Variants in RBFOX1 observed in about 807,000 individuals in gnomAD.
The protein encoded by RBFOX1 is RNA binding fox-1 homolog 1.
In RBFOX1, 8 loss-of-function variants were observed where a neutral mutation model predicts 57.7. That is an observed-to-expected ratio of 0.14 (90% confidence interval 0.08 to 0.25). The LOEUF (loss-of-function observed/expected upper bound fraction) is 0.25, where lower values mean the gene tolerates loss of function less well. Ranked by LOEUF, RBFOX1 falls within the 10% of genes least tolerant of loss-of-function variation. The probability of loss-of-function intolerance (pLI) is 1.00; values close to 1 mark genes in which losing one functional copy is unlikely to be tolerated. For synonymous variants in RBFOX1, 326 were observed against 222.4 expected, an observed-to-expected ratio of 1.47 and a Z score of -4.15; for missense variants, 611 against 548.5, an observed-to-expected ratio of 1.11 and a Z score of -1.14.
intron 2 of RBFOX1, among the ~76,000 whole-genome samples, chr16:5,514,353 C>T (rs1293982267): frequency 6.6e-6 from 1 of 152,118 alleles, no homozygotes; most frequent in Non-Finnish European, 1.5e-5. Flanking sequence ...ATCATGGTGG[C>T]AGAAGAGTGA....
rs530744959 is a variant in RBFOX1, at chr16:6,836,520, C to T, written c.-16+181870C>T. On this transcript the variant is annotated intron_variant, in intron 3 of 15. Coordinates refer to ENST00000550418, the MANE Select transcript of RBFOX1 (RefSeq NM_018723.4). ...AAACCTTCCTTCTACGTGAGTTAGC[C>T]TTAGGGTATGACCACGAATGACACC... 2.0e-5 allele frequency among the ~76,000 whole-genome samples: 3 copies of T among 152,292 alleles called. No individual in the cohort carries two copies. In the South Asian group the frequency reaches 6.2e-4, roughly 32 times the overall value.
At chr16:5,834,914 A>C (rs1232497613) in intron 3 of RBFOX1, among the ~76,000 whole-genome samples, 1 of 152,210 alleles carries the variant, frequency 6.6e-6, no homozygotes, top group Non-Finnish European at 1.5e-5. Flanking sequence ...GATCTCTGAG[A>C]AACCTGCATA....
chr16:5,791,186 A>T (rs1168918801), intron 3 of RBFOX1, among the ~76,000 whole-genome samples: 3 of 152,070 alleles, frequency 2.0e-5, no homozygotes, highest in Non-Finnish European at 4.4e-5. Context: ...TTAATTTGTC[A>T]CGCATGACTC....
chr16:7,289,105 C>G (rs1026416157), intron 4 of RBFOX1, among the ~76,000 whole-genome samples: 9 of 152,236 alleles, frequency 5.9e-5, no homozygotes, highest in Middle Eastern at 3.4e-3. Context: ...CAGATCCTGC[C>G]TGCTGTATCA....
chr16:6,942,301 G>T (rs116658693), intron 3 of RBFOX1, among the ~76,000 whole-genome samples: 576 of 152,116 alleles, frequency 3.8e-3, no homozygotes, highest in African/African-American at 0.013. Context: ...ACAAGTTGCT[G>T]AGACCACTGG....
intron 3 of RBFOX1, among the ~76,000 whole-genome samples, chr16:5,737,042 T>C (rs2052602918): frequency 6.6e-6 from 1 of 151,910 alleles, no homozygotes; most frequent in Admixed American, 6.6e-5. Flanking sequence ...TTTAAAAAGG[T>C]GGGCAGAGGT....
intron 14 of RBFOX1, among the ~76,000 whole-genome samples, chr16:7,708,350 G>A (rs556913435): frequency 2.6e-5 from 4 of 152,266 alleles, no homozygotes; most frequent in Admixed American, 1.3e-4. Context: ...GCCATGGCAG[G>A]TAGTAGGATG....
At chr16:5,409,291 G>C (rs1452829641) in intron 1 of RBFOX1, among the ~76,000 whole-genome samples, 1 of 152,188 alleles carries the variant, frequency 6.6e-6, no homozygotes, top group South Asian at 2.1e-4. Flanking sequence ...CAGCCCCTAG[G>C]GGAGCCCCCC....
At chr16:6,814,398 G>A (rs916746355) in intron 3 of RBFOX1, among the ~76,000 whole-genome samples, 3 of 152,074 alleles carry the variant, frequency 2.0e-5, no homozygotes, top group Admixed American at 6.6e-5. Flanking sequence ...CATTCTTACG[G>A]TAAATAATCT....
At chr16:5,565,640 A>G (rs187020531) in intron 2 of RBFOX1, among the ~76,000 whole-genome samples, 3 of 149,300 alleles carry the variant, frequency 2.0e-5, no homozygotes, top group African/African-American at 7.5e-5. Flanking sequence ...AAATAAATAA[A>G]TAAATAAATA....
chr16:7,610,797 T>C lies in RBFOX1; in HGVS notation c.676+3459T>C, dbSNP rs184014528. ...CACCTGCATCTATGGAATGGACCTATGCAAAGCGATAGATGCAGAGTGCAT... is the reference window on the plus strand; with the variant it reads ...CACCTGCATCTATGGAATGGACCTACGCAAAGCGATAGATGCAGAGTGCAT... On this transcript the variant is annotated intron_variant, in intron 10 of 15. Transcript: ENST00000550418. Among the ~76,000 whole-genome samples the C allele has an allele frequency of 2.3e-3, 355 of 152,368 alleles. 7 individuals carry two copies. The highest frequency in any genetic ancestry group is 0.019 in the Admixed American group (291 of 15,312).
chr16:6,712,980 A>G (rs930320932), intron 3 of RBFOX1, among the ~76,000 whole-genome samples: 1 of 142,202 alleles, frequency 7.0e-6, no homozygotes, highest in African/African-American at 2.6e-5. Flanking sequence ...GTTCCCCTGC[A>G]CATGCTCTCT....
intron 2 of RBFOX1, among the ~76,000 whole-genome samples, chr16:5,514,285 C>T (rs752582140): frequency 1.2e-4 from 18 of 152,246 alleles, no homozygotes; most frequent in South Asian, 6.2e-4. Context: ...GTGGCTCTGT[C>T]GCCATGTCTC....
At chr16:5,956,672 A>AT (rs1309859075) in intron 4 of RBFOX1, among the ~76,000 whole-genome samples, 14 of 78,364 alleles carry the variant, frequency 1.8e-4, no homozygotes, top group African/African-American at 1.1e-3. Context: ...ATATATATAT[A>AT]TATATATTTT....
chr16:5,442,691 T>G (rs889375894), intron 1 of RBFOX1, among the ~76,000 whole-genome samples: 1 of 152,202 alleles, frequency 6.6e-6, no homozygotes, highest in East Asian at 1.9e-4. Flanking sequence ...AGCCCTGCTA[T>G]GTGCCATCAC....
At chr16:6,509,479 A>C (rs891141635) in intron 2 of RBFOX1, among the ~76,000 whole-genome samples, 1 of 152,142 alleles carries the variant, frequency 6.6e-6, no homozygotes, top group African/African-American at 2.4e-5. Flanking sequence ...GGGAGCTAAC[A>C]CTTAAAATAA....
chr16:5,560,037 A>G (rs1030041906), intron 2 of RBFOX1, among the ~76,000 whole-genome samples: 2 of 152,200 alleles, frequency 1.3e-5, no homozygotes, highest in African/African-American at 4.8e-5. Flanking sequence ...TGTCTGTCTT[A>G]TAACCTATTG....
chr16:7,214,093 T>G (rs2091624774), intron 4 of RBFOX1, among the ~76,000 whole-genome samples: 1 of 152,162 alleles, frequency 6.6e-6, no homozygotes, highest in African/African-American at 2.4e-5. Context: ...AAAAAATTTT[T>G]CCACTTCTTT....
chr16:6,806,926 T>C (rs1286505334), intron 3 of RBFOX1, among the ~76,000 whole-genome samples: 13 of 149,448 alleles, frequency 8.7e-5, no homozygotes, highest in African/African-American at 3.2e-4. Flanking sequence ...CTCCACCTCC[T>C]GGGTTCAAGT....
Sources: allele counts gnomAD v4.1 joint callset (sites outside exome capture counted in the v4.1 genomes callset), GRCh38; gene constraint gnomAD v4.1.1; transcripts MANE v1.5; gene names NCBI Gene and HGNC (gene_info 2026-07-23, HGNC 2026-07-21).